ROBO1: variants seen among roughly 807,000 people sequenced by gnomAD.
The protein encoded by ROBO1 is roundabout homolog 1.
A neutral mutation model predicts 195.9 loss-of-function variants in ROBO1; 149 were observed. The observed-to-expected ratio is 0.76, with a 90% CI of 0.67 to 0.87. ROBO1 has a LOEUF of 0.87. Ranked by LOEUF, ROBO1 falls within the 40% of genes least tolerant of loss-of-function variation. The probability of loss-of-function intolerance (pLI) is 0.00; values close to 1 mark genes in which losing one functional copy is unlikely to be tolerated. For missense variants in ROBO1, 1,933 were observed against 2,068.3 expected, an observed-to-expected ratio of 0.93 and a Z score of 1.27; for synonymous variants, 816 against 733.2, an observed-to-expected ratio of 1.11 and a Z score of -1.82.
chr3:78,860,302 CTA>C lies in ROBO1; in HGVS notation c.499+78297_499+78298del, dbSNP rs1200780060. 2.9e-3 allele frequency among the ~76,000 whole-genome samples: 301 copies of C among 104,726 alleles called. 1 individual carries two copies. Among genetic ancestry groups the C allele is most frequent in the African/African-American group, 8.7e-3 (223 of 25,498 alleles). 68.7% of individuals were successfully genotyped at this position (104,726 alleles called of 152,430 possible). On this transcript the variant is annotated intron_variant, in intron 4 of 30. Coordinates refer to ENST00000464233, the MANE Select transcript of ROBO1 (RefSeq NM_002941.4). ...AATTTGAGAGGAAAATTGAAATATA[CTA>C]TATATATATATATATATATATATTT...
chr3:79,575,924 T>G (rs1373288931), intron 2 of ROBO1, among the ~76,000 whole-genome samples: 1 of 151,960 alleles, frequency 6.6e-6, no homozygotes, highest in East Asian at 1.9e-4. Context: ...AACCAACAGT[T>G]GTAACCTGGC....
At chr3:78,991,806 T>C (rs2077244757) in intron 3 of ROBO1, among the ~76,000 whole-genome samples, 1 of 151,990 alleles carries the variant, frequency 6.6e-6, no homozygotes. Context: ...CAGGATGAGA[T>C]GGAAGGGCCA....
chr3:79,212,939 G>A (rs1376258896), intron 2 of ROBO1, among the ~76,000 whole-genome samples: 5 of 152,004 alleles, frequency 3.3e-5, no homozygotes, highest in South Asian at 2.1e-4. Flanking sequence ...CAGTCTGAAC[G>A]CCAATTTAAT....
chr3:79,495,937 G>A (rs145516587), intron 2 of ROBO1, among the ~76,000 whole-genome samples: 18 of 152,198 alleles, frequency 1.2e-4, no homozygotes, highest in African/African-American at 3.6e-4. Flanking sequence ...GGTAGGCCAG[G>A]CACAGTGGCT....
intron 3 of ROBO1, among the ~76,000 whole-genome samples, chr3:79,005,229 C>T (rs1559581723): frequency 2.0e-5 from 3 of 152,156 alleles, no homozygotes; most frequent in African/African-American, 7.2e-5. Context: ...CTTCCCTGCC[C>T]GTGCCTTGAC....
intron 4 of ROBO1, among the ~76,000 whole-genome samples, chr3:78,818,755 G>T (rs1341931675): frequency 6.6e-6 from 1 of 152,152 alleles, no homozygotes; most frequent in Non-Finnish European, 1.5e-5. Flanking sequence ...CGGGATGGTC[G>T]TCCTGTTCAA....
At chr3:78,723,722 C>G (rs1160849777) in intron 5 of ROBO1, among the ~76,000 whole-genome samples, 2 of 151,966 alleles carry the variant, frequency 1.3e-5, no homozygotes, top group East Asian at 3.9e-4. Context: ...GCCAGAAATA[C>G]ACATCAAGGA....
At chr3:78,932,711 T>C (rs2039596061) in intron 4 of ROBO1, among the ~76,000 whole-genome samples, 1 of 152,096 alleles carries the variant, frequency 6.6e-6, no homozygotes, top group Non-Finnish European at 1.5e-5. Context: ...AAATACCTGC[T>C]TATAGGATCG....
chr3:79,551,192 AATTTT>A (rs1321095157), intron 2 of ROBO1, among the ~76,000 whole-genome samples: 2 of 151,026 alleles, frequency 1.3e-5, no homozygotes, highest in Non-Finnish European at 3.0e-5. Context: ...TTTAAATTTT[AATTTT>A]ATTATTATTA....
At position 78,714,800 on chromosome 3, in the gene ROBO1, CA is replaced by C. The variant is rs1576003804; in HGVS notation, c.918-277del. ...TCAAGCTCCTGTGCTCACACTAAAA[CA>C]AAAAGATAGTGACCATTAATTAAAT... On this transcript the variant is annotated intron_variant, in intron 7 of 30. Transcript: ENST00000464233. The C allele has an allele frequency of 1.7e-5, 5 of 297,822 alleles. No individual in the cohort carries two copies. The East Asian group carries it at 3.2e-4, about 19-fold the overall frequency. 18.4% of individuals were successfully genotyped at this position (297,822 alleles called of 1,614,324 possible).
At chr3:78,902,433 T>C (rs531508584) in intron 4 of ROBO1, among the ~76,000 whole-genome samples, 1 of 152,302 alleles carries the variant, frequency 6.6e-6, no homozygotes, top group South Asian at 2.1e-4. Flanking sequence ...TTATGCTCTA[T>C]GGGCTTTGAT....
chr3:79,336,643 T>G (rs977207543), intron 2 of ROBO1, among the ~76,000 whole-genome samples: 1 of 152,160 alleles, frequency 6.6e-6, no homozygotes, highest in Non-Finnish European at 1.5e-5. Context: ...AAGGGAAATG[T>G]GGAGTTGGAA....
chr3:79,716,993 T>G (rs1471832122), intron 1 of ROBO1, among the ~76,000 whole-genome samples: 2 of 151,996 alleles, frequency 1.3e-5, no homozygotes, highest in Non-Finnish European at 2.9e-5. Context: ...AATTTTGAAC[T>G]GTATTCTGCT....
chr3:79,228,679 G>C (rs1166403703), intron 2 of ROBO1, among the ~76,000 whole-genome samples: 1 of 152,096 alleles, frequency 6.6e-6, no homozygotes, highest in African/African-American at 2.4e-5. Context: ...ATATAGTTCT[G>C]TATTGGATAT....
chr3:78,802,972 A>C (rs750913928), intron 4 of ROBO1, among the ~76,000 whole-genome samples: 1 of 152,172 alleles, frequency 6.6e-6, no homozygotes, highest in Admixed American at 6.5e-5. Flanking sequence ...ACTGCCTTCA[A>C]TAAGGGCTAG....
At chr3:79,213,938 G>A (rs2082010058) in intron 2 of ROBO1, among the ~76,000 whole-genome samples, 1 of 147,742 alleles carries the variant, frequency 6.8e-6, no homozygotes, top group Non-Finnish European at 1.5e-5. Context: ...AGATTCTCCT[G>A]CCTCAGCCTC....
At chr3:79,542,384 T>G (rs1293319597) in intron 2 of ROBO1, among the ~76,000 whole-genome samples, 4 of 152,060 alleles carry the variant, frequency 2.6e-5, no homozygotes, top group Non-Finnish European at 5.9e-5. Context: ...TGTAAAATTA[T>G]GGCAAGAAAA....
chr3:79,628,570 C>T (rs917477312), intron 1 of ROBO1, among the ~76,000 whole-genome samples: 3 of 152,010 alleles, frequency 2.0e-5, no homozygotes, highest in African/African-American at 7.2e-5. Context: ...ATGTAACAAA[C>T]CTGTACGTTC....
intron 3 of ROBO1, among the ~76,000 whole-genome samples, chr3:79,011,448 C>CG (rs2077773374): frequency 1.3e-5 from 2 of 152,072 alleles, no homozygotes; most frequent in South Asian, 4.1e-4. Flanking sequence ...CTCATTAGCA[C>CG]TGTGTTGCCA....
Sources: gnomAD v4.1 joint callset for allele counts (sites outside exome capture counted in the v4.1 genomes callset) on GRCh38, gnomAD v4.1.1 for gene constraint, MANE v1.5 for transcripts, NCBI Gene and HGNC (gene_info 2026-07-23, HGNC 2026-07-21) for gene names.